RAB11FIP3: variants seen among roughly 807,000 people sequenced by gnomAD.
The protein encoded by RAB11FIP3 is RAB11 family interacting protein 3, also known as rab11 family-interacting protein 3.
Under a neutral mutation model 77.8 loss-of-function variants are expected in RAB11FIP3, and 17 were observed. That is an observed-to-expected ratio of 0.22 (90% CI 0.15 to 0.33). RAB11FIP3 has a LOEUF of 0.33. RAB11FIP3 is among the 10% of genes least tolerant of loss of function. RAB11FIP3 has a pLI of 1.00. For synonymous variants in RAB11FIP3, 437 were observed against 448.2 expected (o/e 0.98, Z 0.31); for missense variants, 1,005 against 1,011.2 (o/e 0.99, Z 0.08).
chr16:477,252 C>A lies in RAB11FIP3; in HGVS notation c.904-5273C>A, dbSNP rs370282597. 5.7e-4 allele frequency among the ~76,000 whole-genome samples: 86 copies of A among 151,774 alleles called. 1 individual carries two copies. The South Asian group carries it at 6.3e-3, about 11-fold the overall frequency. ...CTCGGCGACAAGAGCGAGACTCTAT[C>A]AAAAAAAAGAAAAAAGAAATTTTAG... On this transcript the variant is annotated intron_variant, in intron 3 of 13. Transcript: ENST00000262305.
chr16:447,711 C>T (rs1432816760), intron 1 of RAB11FIP3, among the ~76,000 whole-genome samples: 1 of 152,176 alleles, frequency 6.6e-6, no homozygotes, highest in Non-Finnish European at 1.5e-5. Flanking sequence ...GCGCTCCAGC[C>T]TGGGCAACAG....
In RAB11FIP3 at chr16:428,100, C is replaced by CAAAA. The variant is rs10669000; in HGVS notation, c.714+1389_714+1392dup. 7.3e-4 allele frequency among the ~76,000 whole-genome samples: 105 copies of CAAAA among 143,776 alleles called. 3 individuals carry two copies. The highest frequency in any genetic ancestry group is 4.7e-3 in the East Asian group (23 of 4,850). The allele number at this position is 143,776 out of a possible 152,430, so 94.3% of individuals were successfully genotyped here. The stretch of plus-strand genomic sequence containing the variant: ...TGGGCGACAGAGCGAGACTTCGTCT[C>CAAAA]AAAAAAAAAAAACAGCAACAAAACA... On this transcript the variant is annotated intron_variant, in intron 1 of 13. Coordinates refer to ENST00000262305, the MANE Select transcript of RAB11FIP3 (RefSeq NM_014700.4).
At chr16:459,545 T>G (rs2055568237) in intron 1 of RAB11FIP3, among the ~76,000 whole-genome samples, 2 of 151,128 alleles carry the variant, frequency 1.3e-5, no homozygotes, top group Admixed American at 6.6e-5. Context: ...CAAGCGATTC[T>G]CCAGCTTCAG....
chr16:437,355 G>A (rs961318874), intron 1 of RAB11FIP3, among the ~76,000 whole-genome samples: 1 of 151,798 alleles, frequency 6.6e-6, no homozygotes, highest in African/African-American at 2.4e-5. Context: ...GATCACCTGA[G>A]GTCAGGATTT....
chr16:442,100 G>A lies in RAB11FIP3; in HGVS notation c.714+15380G>A, dbSNP rs1238850221. ...GATCCGCCCACTTCGGCCTCCCAAAGTGCTGGGATTACAGGCATGAGCCAC... is the reference window on the plus strand; with the variant it reads ...GATCCGCCCACTTCGGCCTCCCAAAATGCTGGGATTACAGGCATGAGCCAC... On this transcript the variant is annotated intron_variant, in intron 1 of 13. Coordinates refer to ENST00000262305, the MANE Select transcript of RAB11FIP3 (RefSeq NM_014700.4). 6.6e-5 allele frequency among the ~76,000 whole-genome samples: 10 copies of A among 152,102 alleles called. No homozygotes were observed. The East Asian group carries it at 1.9e-3, about 29-fold the overall frequency.
chr16:465,456 G>A (rs1029314600), intron 2 of RAB11FIP3, among the ~76,000 whole-genome samples: 3 of 152,154 alleles, frequency 2.0e-5, no homozygotes, highest in African/African-American at 7.2e-5. Flanking sequence ...TGAAGATGGC[G>A]ATGTAACCAT....
intron 1 of RAB11FIP3, among the ~76,000 whole-genome samples, chr16:447,779 C>T (rs561187700): frequency 1.3e-5 from 2 of 152,268 alleles, no homozygotes; most frequent in South Asian, 4.1e-4. Flanking sequence ...TTATACCTGT[C>T]TCCCTACAGA....
At chr16:516,168 G>C (rs1259432493) in intron 9 of RAB11FIP3, among the ~76,000 whole-genome samples, 1 of 152,214 alleles carries the variant, frequency 6.6e-6, no homozygotes, top group African/African-American at 2.4e-5. Flanking sequence ...CTCCTGGGTA[G>C]AGGACACCTT....
At chr16:447,469 T>G (rs1342761194) in intron 1 of RAB11FIP3, among the ~76,000 whole-genome samples, 1 of 152,170 alleles carries the variant, frequency 6.6e-6, no homozygotes, top group Non-Finnish European at 1.5e-5. Context: ...CCGGGCGCAG[T>G]GGCTCACACC....
chr16:461,942 G>A lies in RAB11FIP3; in HGVS notation c.808+445G>A, dbSNP rs1417026189. Among the ~76,000 whole-genome samples, 2 of 152,132 alleles carry A rather than the reference G, an allele frequency of 1.3e-5. No individual in the cohort carries two copies. Among genetic ancestry groups the A allele is most frequent in the Non-Finnish European group, 2.9e-5 (2 of 68,038 alleles). ...GTGTTTGTAATCAGCATGCTTCCGC[G>A]CACACCGCCCTGAACACTGCAGCCC... is the stretch of plus-strand genomic sequence containing the variant. On this transcript the variant is annotated intron_variant, in intron 2 of 13. Transcript: ENST00000262305. The surrounding 1 kb of genome is among the most constrained non-coding windows in gnomAD (Gnocchi z 4.5).
chr16:521,227 T>G lies in RAB11FIP3; in HGVS notation c.*388T>G, dbSNP rs373375704. ...CAGCGGTGTGGGGTGAGCCCTGCTGTGGCCTCCTTGTGGTGGTCCCTCTTC... is the reference window on the plus strand; with the variant it reads ...CAGCGGTGTGGGGTGAGCCCTGCTGGGGCCTCCTTGTGGTGGTCCCTCTTC... On this transcript the variant is annotated 3_prime_UTR_variant, in exon 14 of 14. Transcript: ENST00000262305. The G allele has an allele frequency of 3.8e-5, 9 of 239,308 alleles. No homozygotes were observed. In the East Asian group the frequency reaches 8.3e-4, roughly 22 times the overall value. 14.8% of individuals were successfully genotyped at this position (239,308 alleles called of 1,614,324 possible).
At chr16:519,164 G>C (rs1443929182) in intron 10 of RAB11FIP3, 140 bp downstream of exon 10, 1 of 873,608 alleles carries the variant, frequency 1.1e-6, no homozygotes. Flanking sequence ...TCAGGGCCCA[G>C]GCCGCTGGAA....
chr16:449,661 A>T (rs1261863572), intron 1 of RAB11FIP3, among the ~76,000 whole-genome samples: 1 of 150,556 alleles, frequency 6.6e-6, no homozygotes, highest in African/African-American at 2.4e-5. Flanking sequence ...AAAAAAAAAA[A>T]AAGTTTTAGG....
At position 519,086 on chromosome 16, in the gene RAB11FIP3, C is replaced by T. The variant is rs11865436; in HGVS notation, c.1722+62C>T. On this transcript the variant is annotated intron_variant, in intron 10 of 13. Coordinates refer to ENST00000262305, the MANE Select transcript of RAB11FIP3 (RefSeq NM_014700.4). ...GCCAGCCCATGCCCTGCCTGTGGGG[C>T]AGCTGAGGTAGCCCTGAGCTCTGTG... 8.1e-4 allele frequency: 1,239 copies of T among 1,537,668 alleles called. 5 individuals carry two copies. The African/African-American group carries it at 0.013, about 16-fold the overall frequency.
At chr16:485,429 T>G (rs2056134503) in intron 4 of RAB11FIP3, among the ~76,000 whole-genome samples, 1 of 150,512 alleles carries the variant, frequency 6.6e-6, no homozygotes, top group African/African-American at 2.4e-5. Flanking sequence ...TGTTTTTTTG[T>G]CAAGATGGAG....
chr16:461,744 C>A lies in RAB11FIP3; in HGVS notation c.808+247C>A, dbSNP rs2055610727. Among the ~76,000 whole-genome samples the A allele has an allele frequency of 6.6e-6, 1 of 152,178 alleles. No individual in the cohort carries two copies. ...AATGCTAGAAAGCAACTGCCCCCTT[C>A]CTCAAAGATTTCATGATGACAATTT... On this transcript the variant is annotated intron_variant, in intron 2 of 13. Coordinates refer to ENST00000262305, the MANE Select transcript of RAB11FIP3 (RefSeq NM_014700.4). This position sits in a 1 kb window ranked among gnomAD's most constrained non-coding sequence, Gnocchi z 4.5.
chr16:503,379 C>T (rs1432421329), intron 7 of RAB11FIP3, among the ~76,000 whole-genome samples: 1 of 152,210 alleles, frequency 6.6e-6, no homozygotes, highest in African/African-American at 2.4e-5. Flanking sequence ...GTATCCCACC[C>T]CCACTGTGTC....
intron 9 of RAB11FIP3, among the ~76,000 whole-genome samples, chr16:516,757 AT>A (rs2032435106): frequency 6.6e-6 from 1 of 152,196 alleles, no homozygotes; most frequent in Admixed American, 6.5e-5. Context: ...GCCGCCCGTA[AT>A]CCCAGCTATT....
intron 7 of RAB11FIP3, among the ~76,000 whole-genome samples, chr16:504,927 A>C (rs1596291238): frequency 2.2e-5 from 1 of 45,310 alleles, no homozygotes; most frequent in African/African-American, 1.0e-4. Flanking sequence ...CTCCTCCTGT[A>C]CTCTCTCACC....
Sources: allele counts gnomAD v4.1 joint callset (sites outside exome capture counted in the v4.1 genomes callset), GRCh38; gene constraint gnomAD v4.1.1; non-coding constraint Gnocchi (gnomAD v3.1); transcripts MANE v1.5; gene names NCBI Gene and HGNC (gene_info 2026-07-23, HGNC 2026-07-21).